Variants in PYHIN1 observed in about 807,000 individuals in gnomAD.
PYHIN1 encodes pyrin and HIN domain-containing protein 1.
Under a neutral mutation model 43.7 loss-of-function variants are expected in PYHIN1, and 32 were observed. The ratio of observed to expected loss-of-function variants is 0.73; its 90% confidence interval spans 0.55 to 0.98. The LOEUF (loss-of-function observed/expected upper bound fraction) is 0.98. Ranked by LOEUF, PYHIN1 falls within the 50% of genes least tolerant of loss-of-function variation. The pLI is 0.00. For synonymous variants in PYHIN1, 205 were observed against 203.1 expected (o/e 1.01, Z -0.08); for missense variants, 588 against 589.5 (o/e 1.00, Z 0.03).
At chr1:158,939,319 A>G in intron 4 of PYHIN1, 72 bp downstream of exon 4, 2 of 1,585,968 alleles carry the variant, frequency 1.3e-6, no homozygotes, top group Non-Finnish European at 1.7e-6. Context: ...TTCATCTTCT[A>G]CTGAAAAATG....
intron 7 of PYHIN1, among the ~76,000 whole-genome samples, chr1:158,962,164 T>A (rs768376201): frequency 1.3e-5 from 2 of 152,116 alleles, no homozygotes; most frequent in Non-Finnish European, 2.9e-5. Context: ...AGATGCCTCA[T>A]GAAAAAGTGG....
intron 7 of PYHIN1, among the ~76,000 whole-genome samples, chr1:158,952,520 G>A (rs1291812032): frequency 6.6e-6 from 1 of 152,124 alleles, no homozygotes; most frequent in African/African-American, 2.4e-5. Flanking sequence ...TTGGAGGAGG[G>A]AGCTCAGGCA....
chr1:158,972,035 C>A (rs1163646613), intron 7 of PYHIN1, among the ~76,000 whole-genome samples: 1 of 151,982 alleles, frequency 6.6e-6, no homozygotes, highest in Non-Finnish European at 1.5e-5. Context: ...GATATAGAGG[C>A]AGATACATAA....
chr1:158,935,417 T>C (rs1633278), intron 1 of PYHIN1, among the ~76,000 whole-genome samples: 151,035 of 152,264 alleles, frequency 0.99, 74,917 homozygotes, highest in Middle Eastern at 1. Context: ...AAAAATGTGG[T>C]TTATAGAGAG....
chr1:158,962,311 AG>A (rs1296047494), intron 7 of PYHIN1, among the ~76,000 whole-genome samples: 1 of 152,094 alleles, frequency 6.6e-6, no homozygotes, highest in Admixed American at 6.5e-5. Context: ...TGGAGCTCCT[AG>A]AGGGAAAGGT....
Position 158,933,077 on chromosome 1 carries a change from T to A in PYHIN1, c.-21+1301T>A, listed in dbSNP as rs1648263783. Among the ~76,000 whole-genome samples, 2 of 151,866 alleles carry A rather than the reference T, an allele frequency of 1.3e-5. No homozygotes were observed. The highest frequency in any genetic ancestry group is 4.1e-4 in the South Asian group (2 of 4,836). ...CTTGTTCATTTAGTATTGGAAGATA[T>A]AATATAGAACCTCCTATTATAAGAC... On this transcript the variant is annotated intron_variant, in intron 1 of 8. Transcript: ENST00000368140. This position sits in a 1 kb window ranked among gnomAD's most constrained non-coding sequence, Gnocchi z 6.3.
chr1:158,970,519 A>G (rs988919089), intron 7 of PYHIN1, among the ~76,000 whole-genome samples: 6 of 151,962 alleles, frequency 3.9e-5, no homozygotes, highest in Non-Finnish European at 7.4e-5. Context: ...CTTTCCACTA[A>G]GATAACTGTA....
At chr1:158,969,076 T>C (rs778279844) in intron 7 of PYHIN1, among the ~76,000 whole-genome samples, 9 of 152,004 alleles carry the variant, frequency 5.9e-5, no homozygotes, top group Non-Finnish European at 1.2e-4. Context: ...ATTTTTGGTC[T>C]TACAGTCAAC....
the PYHIN1 span, among the ~76,000 whole-genome samples, chr1:158,985,255 A>G: frequency 6.6e-6 from 1 of 152,090 alleles, no homozygotes; most frequent in African/African-American, 2.4e-5. Flanking sequence ...TGTCAGTGGA[A>G]TATTTACTTA....
chr1:158,988,266 C>A, the PYHIN1 span, among the ~76,000 whole-genome samples: 3 of 151,976 alleles, frequency 2.0e-5, no homozygotes, highest in Admixed American at 6.6e-5. Context: ...GTGGAGATGG[C>A]TTTGGAATTG....
intron 7 of PYHIN1, among the ~76,000 whole-genome samples, chr1:158,969,572 CAT>C (rs1650822034): frequency 1.3e-5 from 2 of 151,876 alleles, no homozygotes; most frequent in African/African-American, 4.8e-5. Flanking sequence ...TCCAATAATT[CAT>C]ATTTCTCTGT....
chr1:158,988,089 T>A, the PYHIN1 span, among the ~76,000 whole-genome samples: 1 of 152,174 alleles, frequency 6.6e-6, no homozygotes, highest in Non-Finnish European at 1.5e-5. Context: ...TCAGAAGGAA[T>A]CAAATCTGCT....
At chr1:158,938,151 G>A (rs901671778) in intron 2 of PYHIN1, among the ~76,000 whole-genome samples, 1 of 152,182 alleles carries the variant, frequency 6.6e-6, no homozygotes. Context: ...GGAGTTCAGA[G>A]GACAGGAAGG....
At chr1:158,950,112 A>G (rs956832213) in intron 7 of PYHIN1, among the ~76,000 whole-genome samples, 6 of 152,202 alleles carry the variant, frequency 3.9e-5, no homozygotes, top group Non-Finnish European at 7.3e-5. Context: ...AAAGGCTGGA[A>G]AGGGAGTGTC....
At chr1:158,942,579 T>C (rs1041191685) in intron 5 of PYHIN1, among the ~76,000 whole-genome samples, 180 bp downstream of exon 5, 10 of 152,218 alleles carry the variant, frequency 6.6e-5, no homozygotes, top group Non-Finnish European at 1.2e-4. Context: ...GAACTATTAA[T>C]GTTCTCATTC....
chr1:158,979,673 AT>A (rs1651421352), downstream of PYHIN1, among the ~76,000 whole-genome samples: 1 of 152,102 alleles, frequency 6.6e-6, no homozygotes, highest in Non-Finnish European at 1.5e-5. Context: ...TATTTTAATT[AT>A]TTTGCATAAA....
intron 8 of PYHIN1, among the ~76,000 whole-genome samples, chr1:158,974,134 G>A (rs1048298470): frequency 6.6e-6 from 1 of 151,920 alleles, no homozygotes; most frequent in Admixed American, 6.6e-5. Context: ...CATAACTTAG[G>A]ATTGATATTC....
At chr1:158,950,380 G>C (rs535821369) in intron 7 of PYHIN1, among the ~76,000 whole-genome samples, 6 of 152,236 alleles carry the variant, frequency 3.9e-5, no homozygotes, top group Admixed American at 3.9e-4. Context: ...TGTCATCCGA[G>C]GAAGCCACAT....
the PYHIN1 span, among the ~76,000 whole-genome samples, chr1:158,985,049 T>G: frequency 6.6e-6 from 1 of 152,256 alleles, no homozygotes; most frequent in Admixed American, 6.5e-5. Context: ...GCCTGTGTCT[T>G]TACATGTAAG....
Sources: gnomAD v4.1 joint callset for allele counts (sites outside exome capture counted in the v4.1 genomes callset) on GRCh38, gnomAD v4.1.1 for gene constraint, Gnocchi (gnomAD v3.1) non-coding constraint, MANE v1.5 for transcripts, NCBI Gene and HGNC (gene_info 2026-07-23, HGNC 2026-07-21) for gene names.